The following TYW1B variants were observed in gnomAD, a reference collection of about 807,000 sequenced individuals.
TYW1B encodes the protein tRNA-yW synthesizing protein 1 homolog B, also known as S-adenosyl-L-methionine-dependent tRNA 4-demethylwyosine synthase TYW1B.
In TYW1B, 73 loss-of-function variants were observed where a neutral mutation model predicts 86.9. The observed-to-expected ratio is 0.84, with a 90% CI of 0.70 to 1.02. The LOEUF (loss-of-function observed/expected upper bound fraction) is 1.02, where lower values mean the gene tolerates loss of function less well. Ranked by LOEUF, TYW1B falls within the 50% of genes least tolerant of loss-of-function variation. The pLI is 0.00. For missense variants in TYW1B, 637 were observed against 827.4 expected, an observed-to-expected ratio of 0.77 and a Z score of 2.82; for synonymous variants, 248 against 292.8, an observed-to-expected ratio of 0.85 and a Z score of 1.56.
intron 2 of TYW1B, among the ~76,000 whole-genome samples, chr7:72,821,653 G>C (rs1431557701): frequency 5.3e-5 from 8 of 152,172 alleles, no homozygotes; most frequent in African/African-American, 1.9e-4. Flanking sequence ...AGTGAAGGTG[G>C]TAAGAAGTGA....
intron 9 of TYW1B, among the ~76,000 whole-genome samples, chr7:72,727,829 A>G (rs76167675): frequency 6.9e-6 from 1 of 145,284 alleles, no homozygotes; most frequent in Admixed American, 7.1e-5. Flanking sequence ...AAAAAAAAAA[A>G]AAAAGAAGAA....
chr7:72,815,385 C>T lies in TYW1B; in HGVS notation c.232G>A (p.Glu78Lys), dbSNP rs1788703411. The T allele has an allele frequency of 1.3e-6, 2 of 1,595,214 alleles. No homozygotes were observed. The highest frequency in any genetic ancestry group is 1.4e-5 in the African/African-American group (1 of 73,786). ...AGAAAAAGACAATTACCAACCTCTT[C>T]TATCAGATGATCATCTGGATCATAT... ...KEYDPDDHLI[E>K]EVTSKNVCVF... The change falls in exon 3 of 14, where the codon GAA (glutamate) becomes AAA (lysine). Residue 78 changes from glutamate (E) to lysine (K), a missense_variant. Glu to Lys is a moderately conservative substitution (Grantham distance 56). Coordinates refer to ENST00000620995, the MANE Select transcript of TYW1B (RefSeq NM_001145440.3).
intron 13 of TYW1B, among the ~76,000 whole-genome samples, chr7:72,589,687 A>C (rs1415586693): frequency 6.6e-6 from 1 of 152,150 alleles, no homozygotes; most frequent in Non-Finnish European, 1.5e-5. Context: ...GACCGGCCTG[A>C]CCAACATGGT....
intron 3 of TYW1B, among the ~76,000 whole-genome samples, chr7:72,813,502 C>T (rs1788663633): frequency 1.3e-5 from 2 of 152,096 alleles, no homozygotes; most frequent in South Asian, 2.1e-4. Context: ...ACTCTACCTG[C>T]GTCAGCATCA....
Position 72,632,268 on chromosome 7 carries a change from T to A in TYW1B, c.1507-3271A>T, listed in dbSNP as rs527425555. Among the ~76,000 whole-genome samples the A allele has an allele frequency of 4.3e-3, 441 of 102,730 alleles. 6 individuals carry two copies. Among genetic ancestry groups the A allele is most frequent in the African/African-American group, 0.021 (419 of 19,998 alleles). 67.4% of individuals were successfully genotyped at this position (102,730 alleles called of 152,430 possible). ...AGCAAGACCCTGTCTCCAAAAAATA[T>A]ATATATATATATACGTGTATATATA... On this transcript the variant is annotated intron_variant, in intron 11 of 13. Coordinates refer to ENST00000620995, the MANE Select transcript of TYW1B (RefSeq NM_001145440.3).
chr7:72,693,195 G>A (rs1383615202), intron 11 of TYW1B, among the ~76,000 whole-genome samples: 6 of 152,054 alleles, frequency 3.9e-5, no homozygotes, highest in Non-Finnish European at 8.8e-5. Context: ...AGGAAAGAAG[G>A]AGGATTAATG....
chr7:72,732,971 A>G (rs1787138323), intron 8 of TYW1B, among the ~76,000 whole-genome samples: 1 of 152,188 alleles, frequency 6.6e-6, no homozygotes, highest in Non-Finnish European at 1.5e-5. Context: ...AACCAACTGT[A>G]CACCAACAAA....
In TYW1B at chr7:72,628,901, A is replaced by C. The variant is rs1302251611; in HGVS notation, c.1603T>G (p.Phe535Val). The C allele has an allele frequency of 1.9e-6, 3 of 1,589,632 alleles. No individual in the cohort carries two copies. Among genetic ancestry groups the C allele is most frequent in the African/African-American group, 2.7e-5 (2 of 73,716 alleles). Residue 535 changes from phenylalanine (F) to valine (V), a missense_variant, in exon 12 of 14, where the codon TTC becomes GTC. Transcript: ENST00000620995. ...CAGGGGCTTACCTTCACTTCGATGA[A>C]GTCAGGATTCCCCAGGGACACGAGC... is the stretch of plus-strand genomic sequence containing the variant. ...AQLVSLGNPDFIEVKGVTYCR... is the reference protein window; with the variant it reads ...AQLVSLGNPDVIEVKGVTYCR...
chr7:72,798,001 T>TTTTA (rs1788334912), intron 6 of TYW1B, among the ~76,000 whole-genome samples: 5 of 79,238 alleles, frequency 6.3e-5, no homozygotes, highest in Non-Finnish European at 1.4e-4. Flanking sequence ...AAAATACTAT[T>TTTTA]TATATATATA....
intron 10 of TYW1B, among the ~76,000 whole-genome samples, chr7:72,711,496 T>TTTC (rs1786664768): frequency 7.1e-6 from 1 of 140,798 alleles, no homozygotes; most frequent in African/African-American, 2.7e-5. Context: ...TTTTTTTTTT[T>TTTC]TTTTGCTCTG....
At chr7:72,729,498 T>C (rs1787065778) in intron 8 of TYW1B, among the ~76,000 whole-genome samples, 1 of 151,970 alleles carries the variant, frequency 6.6e-6, no homozygotes, top group African/African-American at 2.4e-5. Context: ...TTCCTGAGGT[T>C]CCACTGCCAT....
chr7:72,628,840 G>A (rs188657650), intron 12 of TYW1B, 47 bp downstream of exon 12: 12 of 1,517,308 alleles, frequency 7.9e-6, no homozygotes, highest in East Asian at 2.5e-5. Context: ...GAAGCACCAC[G>A]ATTCTTTGTC....
intron 13 of TYW1B, among the ~76,000 whole-genome samples, chr7:72,580,850 A>T (rs1811135652): frequency 6.8e-6 from 1 of 147,222 alleles, no homozygotes; most frequent in Admixed American, 6.9e-5. Context: ...AGGAGAAAAC[A>T]GTATTGGACT....
intron 7 of TYW1B, among the ~76,000 whole-genome samples, chr7:72,770,442 A>AAG (rs1214624178): frequency 6.6e-6 from 1 of 150,874 alleles, no homozygotes; most frequent in East Asian, 1.9e-4. Flanking sequence ...AAAAAAAAAA[A>AAG]AAAAGAAAAA....
chr7:72,676,564 C>CGTGCTGGA lies in TYW1B; in HGVS notation c.1506+18122_1506+18123insTCCAGCAC, dbSNP rs546398388. 1.6e-3 allele frequency among the ~76,000 whole-genome samples: 249 copies of CGTGCTGGA among 152,268 alleles called. 1 individual carries two copies. Among genetic ancestry groups the CGTGCTGGA allele is most frequent in the African/African-American group, 5.4e-3 (226 of 41,538 alleles). Reference sequence around the variant, plus strand: ...ACCTGGGCAGGGTGGATTTGCTGGCCAGGTGCTGGAAGAGCAGCAGCCCTG... The same window carrying CGTGCTGGA: ...ACCTGGGCAGGGTGGATTTGCTGGCCGTGCTGGAAGGTGCTGGAAGAGCAGCAGCCCTG... On this transcript the variant is annotated intron_variant, in intron 11 of 13. Coordinates refer to ENST00000620995, the MANE Select transcript of TYW1B (RefSeq NM_001145440.3).
At chr7:72,696,113 A>C (rs1465881539) in intron 10 of TYW1B, among the ~76,000 whole-genome samples, 1 of 151,812 alleles carries the variant, frequency 6.6e-6, no homozygotes, top group Non-Finnish European at 1.5e-5. Context: ...ACATCCGGCT[A>C]ATTTTTGTAT....
In TYW1B at chr7:72,703,630, A is replaced by C. The variant is rs191873473; in HGVS notation, c.1371-8808T>G. On this transcript the variant is annotated intron_variant, in intron 10 of 13. Transcript: ENST00000620995. The stretch of plus-strand genomic sequence containing the variant: ...AGCACTTTGGGAGGCCAAGGCGGGC[A>C]TATCAGCTGAGGTCAGGAGTTCGAG... 7.0e-4 allele frequency among the ~76,000 whole-genome samples: 106 copies of C among 151,918 alleles called. 1 individual carries two copies. Among genetic ancestry groups the C allele is most frequent in the Admixed American group, 5.4e-3 (82 of 15,266 alleles).
At chr7:72,627,552 C>T in intron 12 of TYW1B, among the ~76,000 whole-genome samples, 1 of 151,858 alleles carries the variant, frequency 6.6e-6, no homozygotes, top group East Asian at 1.9e-4. Flanking sequence ...CTCAGAAAAG[C>T]TTCCCTAAAA....
chr7:72,803,856 C>A (rs1418787569), intron 5 of TYW1B, among the ~76,000 whole-genome samples: 1 of 151,794 alleles, frequency 6.6e-6, no homozygotes, highest in Non-Finnish European at 1.5e-5. Flanking sequence ...TCAGGTGATC[C>A]GCCCGCCTCA....
Sources: gnomAD v4.1 joint callset for allele counts (sites outside exome capture counted in the v4.1 genomes callset) on GRCh38, gnomAD v4.1.1 for gene constraint, MANE v1.5 for transcripts, NCBI Gene and HGNC (gene_info 2026-07-23, HGNC 2026-07-21) for gene names.